Variants in SYNPR observed in about 807,000 individuals in gnomAD.
SYNPR encodes the protein synaptoporin.
A neutral mutation model predicts 32.9 loss-of-function variants in SYNPR; 23 were observed. The observed-to-expected ratio is 0.70, with a 90% CI of 0.50 to 0.99. The LOEUF (loss-of-function observed/expected upper bound fraction) is 0.99, where lower values mean the gene tolerates loss of function less well. Among genes scored for constraint, SYNPR ranks in the 50% least tolerant of loss-of-function variants. The pLI is 0.00. For synonymous variants in SYNPR, 146 were observed against 135.9 expected (o/e 1.07, Z -0.52); for missense variants, 318 against 349.3 (o/e 0.91, Z 0.71).
intron 3 of SYNPR, among the ~76,000 whole-genome samples, chr3:63,485,617 T>A (rs76861850): frequency 0.019 from 2,856 of 152,208 alleles, 90 homozygotes; most frequent in African/African-American, 0.065. Flanking sequence ...GGACCCTAAT[T>A]TGCTTATCTT....
chr3:63,422,529 T>A (rs1177628411), intron 2 of SYNPR, among the ~76,000 whole-genome samples: 1 of 152,232 alleles, frequency 6.6e-6, no homozygotes, highest in Non-Finnish European at 1.5e-5. Context: ...TAAGCATTTC[T>A]TAAAATTCAT....
chr3:63,332,766 C>T (rs535850486), intron 2 of SYNPR, among the ~76,000 whole-genome samples: 3 of 152,104 alleles, frequency 2.0e-5, no homozygotes, highest in Admixed American at 6.5e-5. Context: ...TATTTGGTGA[C>T]GCATCAAGGA....
chr3:63,406,718 T>A (rs963219202), intron 2 of SYNPR, among the ~76,000 whole-genome samples: 1 of 152,156 alleles, frequency 6.6e-6, no homozygotes, highest in Admixed American at 6.5e-5. Flanking sequence ...TGAGCAATCT[T>A]ACAACGAGGT....
At chr3:63,378,887 T>C (rs1020328955) in intron 2 of SYNPR, among the ~76,000 whole-genome samples, 1 of 152,094 alleles carries the variant, frequency 6.6e-6, no homozygotes, top group African/African-American at 2.4e-5. Flanking sequence ...AGATTACTGA[T>C]TTAGGATTCT....
intron 2 of SYNPR, among the ~76,000 whole-genome samples, chr3:63,387,230 A>C (rs935386735): frequency 2.0e-5 from 3 of 152,316 alleles, no homozygotes; most frequent in Admixed American, 6.5e-5. Flanking sequence ...ATCCATTCTT[A>C]TATCCAAATA....
intron 2 of SYNPR, among the ~76,000 whole-genome samples, chr3:63,305,172 G>A (rs985167209): frequency 2.0e-5 from 3 of 151,974 alleles, no homozygotes; most frequent in African/African-American, 7.2e-5. Context: ...GCCAGGGAGG[G>A]AATGAGCCTA....
upstream of SYNPR, among the ~76,000 whole-genome samples, chr3:63,226,233 C>T (rs1051782244): frequency 6.6e-6 from 1 of 152,088 alleles, no homozygotes; most frequent in African/African-American, 2.4e-5. Context: ...AAAAAGGGAA[C>T]TCTTATACAT....
intron 2 of SYNPR, among the ~76,000 whole-genome samples, chr3:63,444,553 CTA>C (rs1386441458): frequency 1.3e-5 from 2 of 152,090 alleles, no homozygotes; most frequent in Non-Finnish European, 2.9e-5. Flanking sequence ...CGAGGTCTGA[CTA>C]TACATTTTTC....
intron 2 of SYNPR, among the ~76,000 whole-genome samples, chr3:63,372,136 C>T (rs1026785743): frequency 2.6e-5 from 4 of 152,254 alleles, no homozygotes; most frequent in South Asian, 2.1e-4. Context: ...GCCACTGCCA[C>T]GACAGTGGTT....
intron 2 of SYNPR, among the ~76,000 whole-genome samples, chr3:63,346,736 G>C (rs2087441933): frequency 6.6e-6 from 1 of 152,170 alleles, no homozygotes; most frequent in Non-Finnish European, 1.5e-5. Flanking sequence ...CTCCCAAAGT[G>C]CTGGGATTAC....
In SYNPR at chr3:63,533,645, C is replaced by T. The variant is rs992869088; in HGVS notation, c.210-22898C>T. 9.2e-5 allele frequency among the ~76,000 whole-genome samples: 14 copies of T among 152,144 alleles called. No homozygotes were observed. In the East Asian group the frequency reaches 1.6e-3, roughly 17 times the overall value. The stretch of plus-strand genomic sequence containing the variant: ...CCTCCAAAACATACAGGAAACAAAG[C>T]GGCTCAAGGCACATGTACAGTGGAA... On this transcript the variant is annotated intron_variant, in intron 3 of 5. Coordinates refer to ENST00000478300, the MANE Select transcript of SYNPR (RefSeq NM_001130003.2).
At chr3:63,350,679 G>A (rs779551878) in intron 2 of SYNPR, among the ~76,000 whole-genome samples, 126 of 152,224 alleles carry the variant, frequency 8.3e-4, no homozygotes, top group Non-Finnish European at 9.8e-4. Context: ...CAGGCTGGCT[G>A]TTAGAAAATC....
At chr3:63,291,916 G>A (rs1273021594) in intron 2 of SYNPR, among the ~76,000 whole-genome samples, 1 of 152,028 alleles carries the variant, frequency 6.6e-6, no homozygotes, top group Non-Finnish European at 1.5e-5. Flanking sequence ...GTATCATTAG[G>A]TGATTTCATC....
chr3:63,408,819 A>G (rs1298352399), intron 2 of SYNPR, among the ~76,000 whole-genome samples: 4 of 152,134 alleles, frequency 2.6e-5, no homozygotes, highest in Non-Finnish European at 4.4e-5. Flanking sequence ...TCTCAGAGAT[A>G]TATCAAGAAA....
chr3:63,521,033 G>A (rs936697925), intron 3 of SYNPR, among the ~76,000 whole-genome samples: 1 of 152,178 alleles, frequency 6.6e-6, no homozygotes, highest in Admixed American at 6.5e-5. Context: ...GGTGCTAGAA[G>A]GAAAGGGATA....
chr3:63,303,076 A>T (rs931848203), intron 2 of SYNPR, among the ~76,000 whole-genome samples: 10 of 151,988 alleles, frequency 6.6e-5, no homozygotes, highest in African/African-American at 2.4e-4. Flanking sequence ...ATTTTCATAA[A>T]CATATGTTTT....
chr3:63,476,526 T>A (rs1700929984), intron 2 of SYNPR, among the ~76,000 whole-genome samples: 1 of 152,180 alleles, frequency 6.6e-6, no homozygotes, highest in Non-Finnish European at 1.5e-5. Flanking sequence ...GAACCTCAGG[T>A]CATCAAAGCA....
At chr3:63,352,633 T>A (rs1232870417) in intron 2 of SYNPR, among the ~76,000 whole-genome samples, 1 of 152,172 alleles carries the variant, frequency 6.6e-6, no homozygotes, top group African/African-American at 2.4e-5. Context: ...CAATGGAGAA[T>A]CCTTTATGTA....
chr3:63,300,517 A>G (rs2086834221), intron 2 of SYNPR, among the ~76,000 whole-genome samples: 1 of 152,104 alleles, frequency 6.6e-6, no homozygotes, highest in Non-Finnish European at 1.5e-5. Flanking sequence ...TTACTAGGTT[A>G]CTGCATAGCC....
Sources: gnomAD v4.1 joint callset for allele counts (sites outside exome capture counted in the v4.1 genomes callset) on GRCh38, gnomAD v4.1.1 for gene constraint, MANE v1.5 for transcripts, NCBI Gene and HGNC (gene_info 2026-07-23, HGNC 2026-07-21) for gene names.